The following DLGAP2 variants were observed in gnomAD, a reference collection of about 807,000 sequenced individuals.
The protein encoded by DLGAP2 is disks large-associated protein 2.
A neutral mutation model predicts 100.3 loss-of-function variants in DLGAP2; 26 were observed. The observed-to-expected ratio is 0.26, with a 90% CI of 0.19 to 0.36. DLGAP2 has a LOEUF of 0.36. DLGAP2 is among the 10% of genes least tolerant of loss of function. The pLI, the probability that DLGAP2 is intolerant of heterozygous loss-of-function variation, is 1.00. For synonymous variants in DLGAP2, 886 were observed against 630.1 expected, an observed-to-expected ratio of 1.41 and a Z score of -6.08; for missense variants, 1,858 against 1,453.2, an observed-to-expected ratio of 1.28 and a Z score of -4.53.
At chr8:1,453,380 A>G (rs544631840) in intron 3 of DLGAP2, among the ~76,000 whole-genome samples, 1 of 152,358 alleles carries the variant, frequency 6.6e-6, no homozygotes, top group African/African-American at 2.4e-5. Flanking sequence ...TGTCTGAGAA[A>G]GAAAGACAGC....
intron 2 of DLGAP2, among the ~76,000 whole-genome samples, chr8:1,021,382 C>T (rs1008853536): frequency 1.6e-4 from 25 of 152,136 alleles, no homozygotes; most frequent in Non-Finnish European, 3.2e-4. Context: ...AAGGTGAGAG[C>T]AGAAACCATG....
At chr8:1,509,996 T>C (rs536948172) in intron 4 of DLGAP2, among the ~76,000 whole-genome samples, 1 of 152,322 alleles carries the variant, frequency 6.6e-6, no homozygotes, top group African/African-American at 2.4e-5. Flanking sequence ...CTTCATGTGT[T>C]TCCCGAACAT....
chr8:874,922 A>T (rs1323275148), intron 1 of DLGAP2, among the ~76,000 whole-genome samples: 2 of 152,186 alleles, frequency 1.3e-5, no homozygotes. Context: ...ATGTATGTCT[A>T]CATATGCATA....
intron 2 of DLGAP2, among the ~76,000 whole-genome samples, chr8:1,199,595 A>G (rs1221628585): frequency 6.6e-6 from 1 of 152,180 alleles, no homozygotes; most frequent in Non-Finnish European, 1.5e-5. Flanking sequence ...GGGAAACACC[A>G]TCTTCATGAG....
intron 1 of DLGAP2, among the ~76,000 whole-genome samples, chr8:823,571 C>T (rs757198034): frequency 5.2e-4 from 79 of 152,268 alleles, no homozygotes; most frequent in Admixed American, 1.0e-3. Context: ...TCCAGCAGCA[C>T]GGGGCTCAGC....
chr8:1,190,058 C>T (rs140597804), intron 2 of DLGAP2, among the ~76,000 whole-genome samples: 6 of 152,312 alleles, frequency 3.9e-5, no homozygotes, highest in African/African-American at 1.4e-4. Context: ...AGGCTAATTA[C>T]GGGCTCTGGT....
In DLGAP2 at chr8:1,701,412, G is replaced by C; in HGVS notation, c.*6G>C. On this transcript the variant is annotated 3_prime_UTR_variant, in exon 15 of 15. Coordinates refer to ENST00000637795, the MANE Select transcript of DLGAP2 (RefSeq NM_001346810.2). The stretch of plus-strand genomic sequence containing the variant: ...AGGCCCAGACCCGGCTCTGAGGGCG[G>C]AGGCCGGCGCCTTCCCCTCGTCGCT... The C allele has an allele frequency of 6.3e-7, 1 of 1,578,322 alleles. No homozygotes were observed. The highest frequency in any genetic ancestry group is 8.6e-7 in the Non-Finnish European group (1 of 1,163,472).
chr8:1,499,463 G>T (rs915604827), intron 3 of DLGAP2, among the ~76,000 whole-genome samples: 1 of 152,178 alleles, frequency 6.6e-6, no homozygotes, highest in Non-Finnish European at 1.5e-5. Flanking sequence ...CACATATGAC[G>T]ATGGTCTCCA....
chr8:1,625,568 C>T (rs1484609732), intron 6 of DLGAP2, among the ~76,000 whole-genome samples: 2 of 152,222 alleles, frequency 1.3e-5, no homozygotes, highest in Non-Finnish European at 2.9e-5. Context: ...GACAACTTTG[C>T]ATAAGTTAAA....
intron 2 of DLGAP2, among the ~76,000 whole-genome samples, chr8:1,054,557 C>G (rs1279908509): frequency 1.3e-5 from 2 of 152,148 alleles, no homozygotes; most frequent in Non-Finnish European, 2.9e-5. Flanking sequence ...TTTATATTTT[C>G]TATGGCGTTC....
chr8:951,221 G>A (rs75451103), intron 2 of DLGAP2, among the ~76,000 whole-genome samples: 7,181 of 151,910 alleles, frequency 0.047, 578 homozygotes, highest in African/African-American at 0.16. Context: ...CTGATATTTT[G>A]TTACTTTAAA....
chr8:1,465,417 A>G (rs1798597719), intron 3 of DLGAP2, among the ~76,000 whole-genome samples: 2 of 151,846 alleles, frequency 1.3e-5, no homozygotes, highest in South Asian at 4.2e-4. Context: ...AAGGGGACAG[A>G]TGAAGAGATG....
At chr8:1,004,403 A>G (rs934929188) in intron 2 of DLGAP2, among the ~76,000 whole-genome samples, 1 of 152,218 alleles carries the variant, frequency 6.6e-6, no homozygotes, top group Non-Finnish European at 1.5e-5. Flanking sequence ...TTTTGAGATT[A>G]TTACCTGCTG....
At chr8:1,192,580 C>G (rs1797662892) in intron 2 of DLGAP2, among the ~76,000 whole-genome samples, 1 of 151,666 alleles carries the variant, frequency 6.6e-6, no homozygotes, top group Non-Finnish European at 1.5e-5. Context: ...CGCCCTCCCT[C>G]TCCACTCCCA....
intron 2 of DLGAP2, among the ~76,000 whole-genome samples, chr8:1,058,191 C>A (rs182676549): frequency 6.6e-6 from 1 of 151,612 alleles, no homozygotes; most frequent in Admixed American, 6.6e-5. Context: ...TGACTAGCGG[C>A]GGGTCTGGGG....
chr8:947,050 G>A (rs1459946551), intron 2 of DLGAP2, among the ~76,000 whole-genome samples: 1 of 152,224 alleles, frequency 6.6e-6, no homozygotes, highest in Non-Finnish European at 1.5e-5. Flanking sequence ...AGGCTCCCAG[G>A]AAGGCGCCTC....
chr8:967,870 A>G (rs1212537027), intron 2 of DLGAP2, among the ~76,000 whole-genome samples: 18 of 82,394 alleles, frequency 2.2e-4, no homozygotes, highest in Admixed American at 6.4e-4. Context: ...ATATATATAT[A>G]TATAAATACT....
chr8:1,705,555 G>A lies in DLGAP2; in HGVS notation c.*4149G>A, dbSNP rs1039465403. Reference sequence around the variant, plus strand: ...GCATTGTCCAAAACAGCGCTGGTTCGGGGAGGGCCCCTGGATACTGCCTTT... The same window carrying A: ...GCATTGTCCAAAACAGCGCTGGTTCAGGGAGGGCCCCTGGATACTGCCTTT... On this transcript the variant is annotated 3_prime_UTR_variant, in exon 15 of 15. Transcript: ENST00000637795. 6 of 152,268 alleles carry A rather than the reference G, an allele frequency of 3.9e-5. No homozygotes were observed. Among genetic ancestry groups the A allele is most frequent in the East Asian group, 1.9e-4 (1 of 5,190 alleles). 9.4% of individuals were successfully genotyped at this position (152,268 alleles called of 1,614,324 possible). A position where few individuals can be genotyped will look rare whatever the true frequency, so the allele number is the denominator to read the frequency against.
intron 3 of DLGAP2, among the ~76,000 whole-genome samples, chr8:1,432,441 T>C (rs1387224360): frequency 6.6e-6 from 1 of 152,220 alleles, no homozygotes; most frequent in African/African-American, 2.4e-5. Context: ...CAGTCCTGTC[T>C]AAATGTTTAT....
Sources: allele counts gnomAD v4.1 joint callset (sites outside exome capture counted in the v4.1 genomes callset), GRCh38; gene constraint gnomAD v4.1.1; transcripts MANE v1.5; gene names NCBI Gene and HGNC (gene_info 2026-07-23, HGNC 2026-07-21).